TOX: variants seen among roughly 807,000 people sequenced by gnomAD.
TOX encodes thymocyte selection-associated high mobility group box protein TOX.
In TOX, 11 loss-of-function variants were observed where a neutral mutation model predicts 53.7. The ratio of observed to expected loss-of-function variants is 0.20; its 90% CI spans 0.13 to 0.34. The LOEUF is 0.34. Ranked by LOEUF, TOX falls within the 10% of genes least tolerant of loss-of-function variation. TOX has a pLI of 1.00. For missense variants in TOX, 570 were observed against 664.6 expected, an observed-to-expected ratio of 0.86 and a Z score of 1.56; for synonymous variants, 225 against 245.3, an observed-to-expected ratio of 0.92 and a Z score of 0.77.
At chr8:58,992,625 C>T (rs1490658567) in intron 1 of TOX, among the ~76,000 whole-genome samples, 2 of 151,880 alleles carry the variant, frequency 1.3e-5, no homozygotes, top group African/African-American at 4.8e-5. Context: ...AGTCTCCTCT[C>T]ACGAAAAAAA....
At chr8:59,007,106 G>T (rs1337004852) in intron 1 of TOX, among the ~76,000 whole-genome samples, 1 of 152,144 alleles carries the variant, frequency 6.6e-6, no homozygotes, top group African/African-American at 2.4e-5. Flanking sequence ...TAACAATAGT[G>T]TATTTCCAGG....
At chr8:58,930,484 A>T (rs1453631663) in intron 3 of TOX, among the ~76,000 whole-genome samples, 1 of 152,188 alleles carries the variant, frequency 6.6e-6, no homozygotes, top group African/African-American at 2.4e-5. Flanking sequence ...TGGGGAGTGG[A>T]GTTAATGCTG....
intron 2 of TOX, among the ~76,000 whole-genome samples, chr8:58,940,981 G>C (rs1812427853): frequency 1.3e-5 from 2 of 152,032 alleles, no homozygotes; most frequent in Non-Finnish European, 1.5e-5. Flanking sequence ...TTAGAGACAG[G>C]GGGTGTATGA....
intron 1 of TOX, among the ~76,000 whole-genome samples, chr8:59,040,973 C>T (rs1162026404): frequency 6.6e-6 from 1 of 152,060 alleles, no homozygotes; most frequent in East Asian, 1.9e-4. Flanking sequence ...TCAAAATAAG[C>T]TTTAGCATCA....
chr8:58,817,764 T>C (rs1420611745), intron 6 of TOX, among the ~76,000 whole-genome samples: 1 of 152,224 alleles, frequency 6.6e-6, no homozygotes, highest in Non-Finnish European at 1.5e-5. Context: ...GGTGCATCTT[T>C]ATTTTTTGCT....
chr8:58,949,049 T>C (rs1366543094), intron 2 of TOX, among the ~76,000 whole-genome samples: 2 of 152,206 alleles, frequency 1.3e-5, no homozygotes, highest in Non-Finnish European at 2.9e-5. Context: ...TAGATGTATT[T>C]ACTTAATTTC....
At chr8:58,838,797 G>C (rs530993301) in intron 4 of TOX, among the ~76,000 whole-genome samples, 16 of 145,220 alleles carry the variant, frequency 1.1e-4, no homozygotes, top group Non-Finnish European at 2.2e-4. Context: ...TGCCTCCCGA[G>C]TTCAAGCAAT....
chr8:59,044,062 C>T (rs1803642587), intron 1 of TOX, among the ~76,000 whole-genome samples: 1 of 152,168 alleles, frequency 6.6e-6, no homozygotes, highest in Non-Finnish European at 1.5e-5. Flanking sequence ...AGCTATTTCT[C>T]TGAGCCAGCT....
intron 1 of TOX, among the ~76,000 whole-genome samples, chr8:59,015,623 A>G (rs1813993802): frequency 6.6e-6 from 1 of 152,238 alleles, no homozygotes; most frequent in Non-Finnish European, 1.5e-5. Context: ...AAATGATTAT[A>G]AAAGACATAG....
At chr8:58,932,318 A>C (rs1214131214) in intron 3 of TOX, among the ~76,000 whole-genome samples, 1 of 151,452 alleles carries the variant, frequency 6.6e-6, no homozygotes, top group Non-Finnish European at 1.5e-5. Flanking sequence ...TAAACATTTG[A>C]TGAATTGTGG....
At chr8:59,045,932 C>A in intron 1 of TOX, among the ~76,000 whole-genome samples, 1 of 152,162 alleles carries the variant, frequency 6.6e-6, no homozygotes, top group East Asian at 1.9e-4. Context: ...AAACAAGGCT[C>A]CAGCTGTGGC....
At chr8:58,819,568 T>C (rs1387786833) in intron 6 of TOX, among the ~76,000 whole-genome samples, 2 of 152,218 alleles carry the variant, frequency 1.3e-5, no homozygotes, top group Non-Finnish European at 2.9e-5. Flanking sequence ...CTTTGACATA[T>C]GCAAAATGTA....
intron 1 of TOX, among the ~76,000 whole-genome samples, chr8:59,075,419 C>G (rs1804275002): frequency 6.6e-6 from 1 of 152,120 alleles, no homozygotes; most frequent in African/African-American, 2.4e-5. Context: ...TATCTGAAGA[C>G]AGAGGGACGC....
intron 1 of TOX, among the ~76,000 whole-genome samples, chr8:59,026,878 T>C (rs186886754): frequency 6.9e-6 from 1 of 145,594 alleles, no homozygotes; most frequent in African/African-American, 2.6e-5. Flanking sequence ...TATAGAATTC[T>C]TTAAAGAGAA....
At chr8:58,984,518 C>T (rs1423863910) in intron 1 of TOX, among the ~76,000 whole-genome samples, 2 of 152,184 alleles carry the variant, frequency 1.3e-5, no homozygotes, top group African/African-American at 2.4e-5. Flanking sequence ...AAAGGACGGG[C>T]GCGGTGGCTC....
chr8:58,830,406 C>T (rs1490691231), intron 5 of TOX, among the ~76,000 whole-genome samples: 1 of 152,142 alleles, frequency 6.6e-6, no homozygotes, highest in African/African-American at 2.4e-5. Context: ...GAACCCAAAT[C>T]CTGTCACATG....
At chr8:58,809,200 A>G (rs1810038190) in intron 7 of TOX, among the ~76,000 whole-genome samples, 2 of 152,252 alleles carry the variant, frequency 1.3e-5, no homozygotes, top group African/African-American at 4.8e-5. Flanking sequence ...GTTGTCTCCA[A>G]AGCAGATTCC....
chr8:59,033,926 TCCTG>T (rs1814408255), intron 1 of TOX, among the ~76,000 whole-genome samples: 1 of 152,190 alleles, frequency 6.6e-6, no homozygotes, highest in Non-Finnish European at 1.5e-5. Flanking sequence ...TCTTAGCTGC[TCCTG>T]CCCTTTCAGA....
chr8:58,826,234 TTTCTCTGAAGTTACC>T (rs1457436408), intron 6 of TOX, among the ~76,000 whole-genome samples: 1 of 152,224 alleles, frequency 6.6e-6, no homozygotes, highest in African/African-American at 2.4e-5. Flanking sequence ...ACTCAGTCCA[TTTCTCTGAAGTTACC>T]TTCTGAAGAA....
Sources: gnomAD v4.1 joint callset for allele counts (sites outside exome capture counted in the v4.1 genomes callset) on GRCh38, gnomAD v4.1.1 for gene constraint, MANE v1.5 for transcripts, NCBI Gene and HGNC (gene_info 2026-07-23, HGNC 2026-07-21) for gene names.